PROM1: variants seen among roughly 807,000 people sequenced by gnomAD.
The protein encoded by PROM1 is prominin-1.
A neutral mutation model predicts 116.9 loss-of-function variants in PROM1; 105 were observed. The observed-to-expected ratio is 0.90, with a 90% CI of 0.77 to 1.06. PROM1 has a LOEUF of 1.06. PROM1 is among the 50% of genes least tolerant of loss of function. The probability of loss-of-function intolerance (pLI) is 0.00; values close to 1 mark genes in which losing one functional copy is unlikely to be tolerated. For missense variants in PROM1, 1,122 were observed against 1,045.2 expected, an observed-to-expected ratio of 1.07 and a Z score of -1.01; for synonymous variants, 393 against 387.0, an observed-to-expected ratio of 1.02 and a Z score of -0.18.
chr4:16,033,586 C>CAT, intron 4 of PROM1, 77 bp from the exon 5 acceptor site: 7 of 270,268 alleles, frequency 2.6e-5, no homozygotes, highest in East Asian at 8.3e-5. Flanking sequence ...GTACAAAGTT[C>CAT]TTTTTTTTTT....
Position 15,989,841 on chromosome 4 carries a change from A to G in PROM1, c.1984-17T>C. The G allele has an allele frequency of 6.4e-7, 1 of 1,563,586 alleles. No individual in the cohort carries two copies. Among genetic ancestry groups the G allele is most frequent in the Non-Finnish European group, 8.7e-7 (1 of 1,144,704 alleles). Reference sequence around the variant, plus strand: ...TCCTGGGGGCTACAAAAAGAATAAAAAACAAAGATCAATACCATCTTTCCA... The same window carrying G: ...TCCTGGGGGCTACAAAAAGAATAAAGAACAAAGATCAATACCATCTTTCCA... On this transcript the variant is annotated splice_polypyrimidine_tract_variant and intron_variant, in intron 18 of 27. Transcript: ENST00000447510.
At chr4:15,985,145 A>C in intron 22 of PROM1, among the ~76,000 whole-genome samples, 1 of 152,258 alleles carries the variant, frequency 6.6e-6, no homozygotes, top group East Asian at 1.9e-4. Context: ...TTTTTAATAC[A>C]GTATACCAAC....
chr4:15,979,387 T>C lies in PROM1; in HGVS notation c.2582+8A>G. 1 of 1,613,816 alleles carries C rather than the reference T, an allele frequency of 6.2e-7. No individual in the cohort carries two copies. The highest frequency in any genetic ancestry group is 8.5e-7 in the Non-Finnish European group (1 of 1,179,780). On this transcript the variant is annotated splice_region_variant and intron_variant, in intron 26 of 27. Transcript: ENST00000447510. ...AGGGCGGGCATGCACTTCCAGACTT[T>C]GCTTTACCTTGTCATAACAGGATTG...
intron 2 of PROM1, among the ~76,000 whole-genome samples, chr4:16,069,918 G>A (rs562587436): frequency 2.5e-4 from 38 of 152,306 alleles, no homozygotes; most frequent in African/African-American, 9.1e-4. Flanking sequence ...GGATACAGCT[G>A]GGTGTTTGCT....
At chr4:16,036,029 C>G (rs377317006) in intron 3 of PROM1, among the ~76,000 whole-genome samples, 1 of 152,158 alleles carries the variant, frequency 6.6e-6, no homozygotes, top group African/African-American at 2.4e-5. Context: ...GTATGCTAAT[C>G]GGTTACGCAA....
rs143706393 is a variant in PROM1 at position 16,037,203 on chromosome 4, G to A, written c.277-1442C>T. 3.8e-3 allele frequency among the ~76,000 whole-genome samples: 576 copies of A among 152,250 alleles called. 2 individuals are homozygous for A. Among genetic ancestry groups the A allele is most frequent in the African/African-American group, 0.013 (522 of 41,522 alleles). ...CATTCCTTGGTTGGCATTCGGGCTG[G>A]CTAAGCATGTTATGCTAATTTTGAA... On this transcript the variant is annotated intron_variant, in intron 3 of 27. Coordinates refer to ENST00000447510, the MANE Select transcript of PROM1 (RefSeq NM_006017.3).
intron 1 of PROM1, among the ~76,000 whole-genome samples, chr4:16,081,724 T>C (rs1745080807): frequency 6.6e-6 from 1 of 152,232 alleles, no homozygotes; most frequent in South Asian, 2.1e-4. Flanking sequence ...ATTTCCTTTA[T>C]ATTTTAAACA....
intron 2 of PROM1, among the ~76,000 whole-genome samples, chr4:16,047,697 C>T (rs1304162672): frequency 6.6e-6 from 1 of 152,160 alleles, no homozygotes; most frequent in Non-Finnish European, 1.5e-5. Flanking sequence ...CCTAACTCCA[C>T]CCCAGCCAGC....
intron 2 of PROM1, among the ~76,000 whole-genome samples, chr4:16,039,715 C>CAA (rs34158088): frequency 0.14 from 18,816 of 133,670 alleles, 1,507 homozygotes; most frequent in East Asian, 0.33. Flanking sequence ...TCCAGACTGT[C>CAA]AAAAAAAAAA....
intron 13 of PROM1, among the ~76,000 whole-genome samples, chr4:16,002,684 T>C (rs1323925600): frequency 6.6e-6 from 1 of 152,218 alleles, no homozygotes; most frequent in Non-Finnish European, 1.5e-5. Flanking sequence ...GTGAGGGCCA[T>C]GCCAGGATCC....
chr4:16,059,470 A>C (rs1401462070), intron 2 of PROM1, among the ~76,000 whole-genome samples: 1 of 152,180 alleles, frequency 6.6e-6, no homozygotes, highest in Non-Finnish European at 1.5e-5. Context: ...TTGGGAGGCC[A>C]AGGCAGGAGG....
At chr4:16,058,498 T>C (rs1270667351) in intron 2 of PROM1, among the ~76,000 whole-genome samples, 1 of 151,880 alleles carries the variant, frequency 6.6e-6, no homozygotes, top group Admixed American at 6.6e-5. Context: ...AATACAAAAA[T>C]TAGCCAGGCG....
chr4:16,025,169 T>C (rs1730927281), intron 6 of PROM1, 23 bp downstream of exon 6: 2 of 1,609,902 alleles, frequency 1.2e-6, no homozygotes, highest in Non-Finnish European at 8.5e-7. Flanking sequence ...AGCATCGCGG[T>C]ACATAGAGAT....
chr4:15,969,893 C>G (rs1713981122), intron 27 of PROM1, among the ~76,000 whole-genome samples: 1 of 151,992 alleles, frequency 6.6e-6, no homozygotes, highest in African/African-American at 2.4e-5. Flanking sequence ...AATTTTAAGT[C>G]CATAATACTC....
intron 13 of PROM1, among the ~76,000 whole-genome samples, chr4:16,001,848 G>C (rs1194327890): frequency 6.6e-6 from 1 of 152,262 alleles, no homozygotes; most frequent in East Asian, 1.9e-4. Flanking sequence ...CTGAAGAAGG[G>C]AGAGAACAGA....
intron 25 of PROM1, 104 bp downstream of exon 25, chr4:15,979,777 A>C: frequency 8.9e-7 from 1 of 1,120,572 alleles, no homozygotes; most frequent in South Asian, 1.5e-5. Context: ...TGCTGTTTCT[A>C]CATAATTTTA....
chr4:16,014,944 G>T (rs985384436), intron 10 of PROM1, among the ~76,000 whole-genome samples: 7 of 152,204 alleles, frequency 4.6e-5, no homozygotes, highest in Admixed American at 1.3e-4. Flanking sequence ...AGACATTAAA[G>T]AAATAATTAC....
rs745602988 is a variant in PROM1, at chr4:15,991,595, C to CT, written c.1912-303dup. 6.1e-3 allele frequency among the ~76,000 whole-genome samples: 867 copies of CT among 141,334 alleles called. 9 individuals are homozygous for CT. Among genetic ancestry groups the CT allele is most frequent in the African/African-American group, 0.012 (467 of 38,730 alleles). 92.7% of individuals were successfully genotyped at this position (141,334 alleles called of 152,430 possible). ...CACAAAAGATTATGTGTTACGTAAT[C>CT]TTTTTTTTTTTTTTTACTACCCAGA... is the stretch of plus-strand genomic sequence containing the variant. On this transcript the variant is annotated intron_variant, in intron 17 of 27. Transcript: ENST00000447510.
intron 1 of PROM1, among the ~76,000 whole-genome samples, chr4:16,078,726 A>G (rs6852981): frequency 0.77 from 116,479 of 152,160 alleles, 44,734 homozygotes; most frequent in Non-Finnish European, 0.79. Context: ...CTTTGCAAGA[A>G]GCCAGAGGAC....
Sources: allele counts gnomAD v4.1 joint callset (sites outside exome capture counted in the v4.1 genomes callset), GRCh38; gene constraint gnomAD v4.1.1; transcripts MANE v1.5; gene names NCBI Gene and HGNC (gene_info 2026-07-23, HGNC 2026-07-21).